The following NBPF15 variants were observed in gnomAD, a reference collection of about 807,000 sequenced individuals.
NBPF15 encodes NBPF member 15.
In NBPF15, 74 loss-of-function variants were observed where a neutral mutation model predicts 62.2. The ratio of observed to expected loss-of-function variants is 1.19; its 90% CI spans 0.99 to 1.44. NBPF15 has a LOEUF of 1.44. Among genes scored for constraint, NBPF15 ranks in the 40% most tolerant of loss-of-function variants. The pLI, the probability that NBPF15 is intolerant of heterozygous loss-of-function variation, is 0.00. For missense variants in NBPF15, 790 were observed against 550.0 expected (o/e 1.44, Z -4.36); for synonymous variants, 244 against 209.7 (o/e 1.16, Z -1.41).
intron 9 of NBPF15, among the ~76,000 whole-genome samples, chr1:144,437,450 T>A (rs368533697): frequency 6.9e-6 from 1 of 144,816 alleles, no homozygotes; most frequent in Non-Finnish European, 1.5e-5. Context: ...ACATAGTGCA[T>A]CTTGCGGCCA....
intron 6 of NBPF15, among the ~76,000 whole-genome samples, chr1:144,445,061 T>C (rs1245855487): frequency 2.0e-5 from 3 of 151,510 alleles, no homozygotes; most frequent in Admixed American, 2.0e-4. Flanking sequence ...GCCATTCTTA[T>C]GGATATGTAC....
chr1:144,443,177 C>T (rs1450218035), intron 6 of NBPF15, among the ~76,000 whole-genome samples: 2 of 151,796 alleles, frequency 1.3e-5, no homozygotes, highest in African/African-American at 4.8e-5. Context: ...CCCACCCATA[C>T]CCCTCCTGTG....
In NBPF15 at chr1:144,422,804, T is replaced by A; in HGVS notation, c.*209A>T. 8.0e-7 allele frequency: 1 copy of A among 1,257,416 alleles called. No homozygotes were observed. The highest frequency in any genetic ancestry group is 1.5e-5 in the South Asian group (1 of 68,388). 77.9% of individuals were successfully genotyped at this position (1,257,416 alleles called of 1,614,324 possible). ...TCACTCCCGGCATGTTCTGCACAGT[T>A]ATGTGAACGTGTCACACCTAACATG... On this transcript the variant is annotated 3_prime_UTR_variant, in exon 22 of 22. Coordinates refer to ENST00000581897, the MANE Select transcript of NBPF15 (RefSeq NM_001385408.1).
Position 144,422,925 on chromosome 1 carries a change from C to G in NBPF15, c.*88G>C, listed in dbSNP as rs1324515196. On this transcript the variant is annotated 3_prime_UTR_variant, in exon 22 of 22. Coordinates refer to ENST00000581897, the MANE Select transcript of NBPF15 (RefSeq NM_001385408.1). ...ACTGACCCATCCTATGTCTGGGCTT[C>G]CAAATGGAACTGTACTTTCATTCAA... 6.2e-7 allele frequency: 1 copy of G among 1,611,072 alleles called. No homozygotes were observed. The highest frequency in any genetic ancestry group is 8.5e-7 in the Non-Finnish European group (1 of 1,179,394).
rs1195371990 is a variant in NBPF15, at chr1:144,460,025, A to C, written c.-818-542T>G. On this transcript the variant is annotated intron_variant, in intron 2 of 21. Coordinates refer to ENST00000581897, the MANE Select transcript of NBPF15 (RefSeq NM_001385408.1). ...CACTTGGTAAAAATTCATTACCTGT[A>C]CTTTTTTTTTTTTTTTTTTTTTTTT... Among the ~76,000 whole-genome samples, 131 of 32,994 alleles carry C rather than the reference A, an allele frequency of 4.0e-3. 2 individuals carry two copies. The highest frequency in any genetic ancestry group is 5.5e-3 in the Non-Finnish European group (90 of 16,420). The allele number at this position is 32,994 out of a possible 152,430, so 21.6% of individuals were successfully genotyped here. A position where few individuals can be genotyped will look rare whatever the true frequency, so the allele number is the denominator to read the frequency against.
In NBPF15 at chr1:144,432,100, G is replaced by A. The variant is rs1222686311; in HGVS notation, c.824+1673C>T. The stretch of plus-strand genomic sequence containing the variant: ...TCCACAATCATTGAACTAGTTTACA[G>A]TCCCACCAACAGTGTAAAAGTGTTC... On this transcript the variant is annotated intron_variant, in intron 13 of 21. Coordinates refer to ENST00000581897, the MANE Select transcript of NBPF15 (RefSeq NM_001385408.1). Among the ~76,000 whole-genome samples the A allele has an allele frequency of 2.0e-5, 3 of 152,168 alleles. No individual in the cohort carries two copies. In the East Asian group the frequency reaches 5.8e-4, roughly 29 times the overall value.
intron 8 of NBPF15, among the ~76,000 whole-genome samples, chr1:144,438,624 G>A (rs1680468909): frequency 2.0e-5 from 3 of 152,054 alleles, no homozygotes; most frequent in Admixed American, 2.0e-4. Flanking sequence ...AATAAAGTTT[G>A]TGTTAATTTA....
intron 4 of NBPF15, among the ~76,000 whole-genome samples, chr1:144,456,308 C>T (rs1438388846): frequency 2.0e-5 from 3 of 151,928 alleles, no homozygotes; most frequent in Non-Finnish European, 2.9e-5. Flanking sequence ...GAACACTCTC[C>T]TCTCCTGAGG....
intron 20 of NBPF15, 136 bp from the exon 21 acceptor site, chr1:144,424,111 G>A (rs1667795184): frequency 1.4e-6 from 1 of 740,182 alleles, no homozygotes; most frequent in Non-Finnish European, 2.4e-6. Flanking sequence ...TATATTTCAG[G>A]AGGTCTGAAG....
At chr1:144,457,023 T>G (rs1478466718) in intron 3 of NBPF15, among the ~76,000 whole-genome samples, 1 of 150,938 alleles carries the variant, frequency 6.6e-6, no homozygotes, top group Non-Finnish European at 1.5e-5. Flanking sequence ...AAATAAAAAA[T>G]GAAAAATTGG....
At chr1:144,427,741 G>C (rs1341159571) in intron 16 of NBPF15, 77 bp downstream of exon 16, 19 of 603,054 alleles carry the variant, frequency 3.2e-5, no homozygotes, top group Non-Finnish European at 5.0e-5. Context: ...AGCTCAGTAA[G>C]GGCCACTTGC....
intron 13 of NBPF15, among the ~76,000 whole-genome samples, chr1:144,432,582 C>T (rs1247068989): frequency 6.6e-5 from 10 of 151,736 alleles, no homozygotes; most frequent in Non-Finnish European, 7.4e-5. Flanking sequence ...TGCAGAGACA[C>T]ACATAGGCTC....
intron 15 of NBPF15, 66 bp from the exon 16 acceptor site, chr1:144,428,056 A>G: frequency 1.3e-6 from 1 of 786,282 alleles, no homozygotes; most frequent in Non-Finnish European, 2.3e-6. Flanking sequence ...TCCCAGCTAG[A>G]TTTCATGGCT....
At chr1:144,445,853 CTTT>C (rs1229682742) in intron 6 of NBPF15, among the ~76,000 whole-genome samples, 2 of 105,402 alleles carry the variant, frequency 1.9e-5, no homozygotes, top group Non-Finnish European at 3.9e-5. Flanking sequence ...GTTGACTTTC[CTTT>C]TTTTTTTTTT....
At position 144,440,168 on chromosome 1, in the gene NBPF15, C is replaced by T. The variant is rs1681737221; in HGVS notation, c.-63G>A. 2.6e-6 allele frequency: 4 copies of T among 1,564,032 alleles called. No individual in the cohort carries two copies. Among genetic ancestry groups the T allele is most frequent in the Non-Finnish European group, 3.5e-6 (4 of 1,149,272 alleles). On this transcript the variant is annotated 5_prime_UTR_variant, in exon 7 of 22. In the 5' UTR this introduces an upstream ATG that the reference lacks. Coordinates refer to ENST00000581897, the MANE Select transcript of NBPF15 (RefSeq NM_001385408.1). The stretch of plus-strand genomic sequence containing the variant: ...TTGTCAAAAATGTGATCACTCCCCA[C>T]AGCACTTTAGGATCCTTCACCACAA...
chr1:144,432,104 C>T (rs1674786443), intron 13 of NBPF15, among the ~76,000 whole-genome samples: 1 of 152,050 alleles, frequency 6.6e-6, no homozygotes, highest in Non-Finnish European at 1.5e-5. Context: ...TTTACAGTCC[C>T]ACCAACAGTG....
chr1:144,423,885 T>C lies in NBPF15; in HGVS notation c.1754A>G (p.Asn585Ser), dbSNP rs1477014074. 2.6e-6 allele frequency: 2 copies of C among 779,476 alleles called. No individual in the cohort carries two copies. Among genetic ancestry groups the C allele is most frequent in the African/African-American group, 1.7e-5 (1 of 59,276 alleles). The allele number at this position is 779,476 out of a possible 1,614,324, so 48.3% of individuals were successfully genotyped here. ...RRGRKEGEDD[N>S]PPCPRLYGVL... ...TGAAAGTTACCTGGGGCATGGTGGG[T>C]TGTCATCTTCCCCTTCTTTTCTTCC... Residue 585 changes from asparagine to serine, a missense_variant, in exon 21 of 22, where the codon AAC (asparagine) becomes AGC (serine). By Grantham distance (46) the Asn-to-Ser change is conservative. Coordinates refer to ENST00000581897, the MANE Select transcript of NBPF15 (RefSeq NM_001385408.1).
In NBPF15 at chr1:144,424,681, G is replaced by A. The variant is rs1173041834; in HGVS notation, c.1663+9C>T. The stretch of plus-strand genomic sequence containing the variant: ...TGGATCCTTATCACCTTCATAGAAA[G>A]GTACTCACCTCCCACGTCAAGAGAA... On this transcript the variant is annotated intron_variant, in intron 20 of 21. Coordinates refer to ENST00000581897, the MANE Select transcript of NBPF15 (RefSeq NM_001385408.1). 22 of 634,424 alleles carry A rather than the reference G, an allele frequency of 3.5e-5. No individual in the cohort carries two copies. Among genetic ancestry groups the A allele is most frequent in the Non-Finnish European group, 5.6e-5 (20 of 359,802 alleles). The allele number at this position is 634,424 out of a possible 1,614,324, so 39.3% of individuals were successfully genotyped here.
At chr1:144,432,151 T>C (rs1397643415) in intron 13 of NBPF15, among the ~76,000 whole-genome samples, 1 of 151,984 alleles carries the variant, frequency 6.6e-6, no homozygotes, top group South Asian at 2.1e-4. Flanking sequence ...CTCTCCAGCA[T>C]CTTCAACCTT....
Sources: allele counts gnomAD v4.1 joint callset (sites outside exome capture counted in the v4.1 genomes callset), GRCh38; gene constraint gnomAD v4.1.1; transcripts MANE v1.5; gene names NCBI Gene and HGNC (gene_info 2026-07-23, HGNC 2026-07-21).